PRDM16: variants seen among roughly 807,000 people sequenced by gnomAD.
PRDM16 encodes PR/SET domain 16.
PRDM16 carries 23 observed loss-of-function variants against 110.6 expected under a neutral mutation model. The ratio of observed to expected loss-of-function variants is 0.21; its 90% CI spans 0.15 to 0.29. PRDM16 has a LOEUF of 0.29. PRDM16 is among the 10% of genes least tolerant of loss of function. The pLI is 1.00. For synonymous variants in PRDM16, 799 were observed against 781.8 expected (o/e 1.02, Z -0.37); for missense variants, 1,615 against 1,794.3 (o/e 0.90, Z 1.81).
chr1:3,426,100 C>G lies in PRDM16; in HGVS notation c.3159C>G (p.Ser1053=). ...CGAACCACCTGGGGACCAGCGCGTCCTCTCCCACCTCAGAGTCGGACAACC... is the reference window on the plus strand; with the variant it reads ...CGAACCACCTGGGGACCAGCGCGTCGTCTCCCACCTCAGAGTCGGACAACC... ...VLTNHLGTSA[S]SPTSESDNHA... Residue 1053 remains serine (S), a synonymous_variant, in exon 14 of 17, where the codon TCC becomes TCG. Coordinates refer to ENST00000270722, the MANE Select transcript of PRDM16 (RefSeq NM_022114.4). The G allele has an allele frequency of 6.2e-7, 1 of 1,613,954 alleles. No homozygotes were observed. The highest frequency in any genetic ancestry group is 1.1e-5 in the South Asian group (1 of 91,086).
At chr1:3,112,097 C>T (rs188514510) in intron 1 of PRDM16, among the ~76,000 whole-genome samples, 12 of 152,300 alleles carry the variant, frequency 7.9e-5, no homozygotes, top group South Asian at 6.2e-4. Flanking sequence ...GCCCCATCCA[C>T]GCTCACTAAC....
chr1:3,164,485 T>C (rs909421667), intron 1 of PRDM16, among the ~76,000 whole-genome samples: 7 of 152,156 alleles, frequency 4.6e-5, no homozygotes, highest in African/African-American at 1.4e-4. Context: ...AGAGGACGGC[T>C]TCCAGTCTTC....
At chr1:3,182,879 G>A (rs888104541) in intron 1 of PRDM16, among the ~76,000 whole-genome samples, 1 of 152,164 alleles carries the variant, frequency 6.6e-6, no homozygotes, top group Non-Finnish European at 1.5e-5. Flanking sequence ...CCAACTCGGG[G>A]TCACTCAGCT....
In PRDM16 at chr1:3,081,263, C is replaced by G. The variant is rs186272745; in HGVS notation, c.37+11967C>G. Among the ~76,000 whole-genome samples the G allele has an allele frequency of 3.3e-4, 50 of 152,332 alleles. No individual in the cohort carries two copies. In the East Asian group the frequency reaches 9.3e-3, roughly 28 times the overall value. On this transcript the variant is annotated intron_variant, in intron 1 of 16. Transcript: ENST00000270722. This position sits in a 1 kb window ranked among gnomAD's most constrained non-coding sequence, Gnocchi z 4.6. ...TTCGAGGCCCCTCGCGGCTGTACCC[C>G]GAGTCCCCCGTGCTGGCACCTGATA...
In PRDM16 at chr1:3,285,656, C is replaced by G. The variant is rs913489958; in HGVS notation, c.438+41519C>G. On this transcript the variant is annotated intron_variant, in intron 3 of 16. Transcript: ENST00000270722. The stretch of plus-strand genomic sequence containing the variant: ...CTGAGCCCAGGGCGTGCTTGAGCCC[C>G]TCCGTCTCTGGTCCCTGGACGGCCA... 2.6e-5 allele frequency among the ~76,000 whole-genome samples: 4 copies of G among 152,216 alleles called. No homozygotes were observed. In the South Asian group the frequency reaches 8.3e-4, roughly 32 times the overall value.
At chr1:3,225,058 G>T (rs1639254727) in intron 2 of PRDM16, among the ~76,000 whole-genome samples, 1 of 152,138 alleles carries the variant, frequency 6.6e-6, no homozygotes, top group South Asian at 2.1e-4. Context: ...TTACGGTTCA[G>T]GTCTGCTTGG....
At chr1:3,259,163 C>T (rs937085903) in intron 3 of PRDM16, among the ~76,000 whole-genome samples, 5 of 152,212 alleles carry the variant, frequency 3.3e-5, no homozygotes, top group African/African-American at 1.2e-4. Context: ...CTTCTGCCCA[C>T]ACACAGCCCT....
At position 3,412,541 on chromosome 1, in the gene PRDM16, G is replaced by A. The variant is rs763116381; in HGVS notation, c.2344G>A (p.Val782Met). 12 of 1,612,358 alleles carry A rather than the reference G, an allele frequency of 7.4e-6. No homozygotes were observed. Among genetic ancestry groups the A allele is most frequent in the South Asian group, 4.4e-5 (4 of 91,094 alleles). ...TGATCTCACCACCAAGCCCAAAGAC[G>A]TGAAGCCCATCCTGCCCATGCCCAA... ...PFDLTTKPKD[V>M]KPILPMPKGP... Residue 782 changes from valine (V) to methionine (M), a missense_variant, in exon 9 of 17, where the codon GTG (valine) becomes ATG (methionine). Val to Met is a conservative substitution (Grantham distance 21, BLOSUM62 1). Coordinates refer to ENST00000270722, the MANE Select transcript of PRDM16 (RefSeq NM_022114.4).
chr1:3,104,110 A>G, intron 1 of PRDM16, among the ~76,000 whole-genome samples: 1 of 152,214 alleles, frequency 6.6e-6, no homozygotes, highest in Non-Finnish European at 1.5e-5. Flanking sequence ...CCACCACTGA[A>G]TGGCGGATTC....
At chr1:3,363,267 CT>C (rs2100562746) in intron 3 of PRDM16, among the ~76,000 whole-genome samples, 1 of 152,346 alleles carries the variant, frequency 6.6e-6, no homozygotes, top group South Asian at 2.1e-4. Flanking sequence ...CCATTAACTG[CT>C]GTCTGTCCAC....
At position 3,220,564 on chromosome 1, in the gene PRDM16, G is replaced by A. The variant is rs74477122; in HGVS notation, c.388-23523G>A. 1.4e-4 allele frequency among the ~76,000 whole-genome samples: 21 copies of A among 152,316 alleles called. No homozygotes were observed. The East Asian group carries it at 2.3e-3, about 17-fold the overall frequency. Reference sequence around the variant, plus strand: ...GGCCTCGAGTCTTGCCGTACCCCCAGGCTGCTGTGGTTCTCCTTGGCCTGA... The same window carrying A: ...GGCCTCGAGTCTTGCCGTACCCCCAAGCTGCTGTGGTTCTCCTTGGCCTGA... On this transcript the variant is annotated intron_variant, in intron 2 of 16. Coordinates refer to ENST00000270722, the MANE Select transcript of PRDM16 (RefSeq NM_022114.4).
At chr1:3,349,497 G>T (rs936351426) in intron 3 of PRDM16, among the ~76,000 whole-genome samples, 1 of 152,210 alleles carries the variant, frequency 6.6e-6, no homozygotes, top group East Asian at 1.9e-4. Flanking sequence ...GCCACTGGGT[G>T]CCCATGGGGC....
chr1:3,091,219 T>C (rs1264980054), intron 1 of PRDM16, among the ~76,000 whole-genome samples: 1 of 152,132 alleles, frequency 6.6e-6, no homozygotes, highest in Non-Finnish European at 1.5e-5. Context: ...CCATCAGACG[T>C]GACCTGGCCA....
chr1:3,275,210 A>G (rs1283120880), intron 3 of PRDM16, among the ~76,000 whole-genome samples: 1 of 152,224 alleles, frequency 6.6e-6, no homozygotes, highest in Non-Finnish European at 1.5e-5. Context: ...TGCCTGGTAA[A>G]TGAACCTGAG....
Position 3,359,825 on chromosome 1 carries a change from G to C in PRDM16, c.439-25327G>C, listed in dbSNP as rs575927711. On this transcript the variant is annotated intron_variant, in intron 3 of 16. Transcript: ENST00000270722. The surrounding 1 kb of genome is among the most constrained non-coding windows in gnomAD (Gnocchi z 4.3). The stretch of plus-strand genomic sequence containing the variant: ...CTGAAACCACGCCCGTGCTCAAAGT[G>C]ATGTTTACTTAGAAGGTGGCACCCG... Among the ~76,000 whole-genome samples, 3 of 145,612 alleles carry C rather than the reference G, an allele frequency of 2.1e-5. No individual in the cohort carries two copies. Among genetic ancestry groups the C allele is most frequent in the African/African-American group, 2.8e-5 (1 of 35,288 alleles).
intron 14 of PRDM16, among the ~76,000 whole-genome samples, chr1:3,428,374 G>A (rs530387418): frequency 2.6e-5 from 4 of 152,236 alleles, no homozygotes; most frequent in South Asian, 4.2e-4. Context: ...AGATGTGGCC[G>A]GGCCTCCCCC....
intron 1 of PRDM16, among the ~76,000 whole-genome samples, chr1:3,119,646 C>T (rs1251936347): frequency 2.0e-5 from 3 of 152,134 alleles, no homozygotes; most frequent in Non-Finnish European, 4.4e-5. Context: ...CTGGCCATGG[C>T]CCGATGAGGC....
rs2100575609 is a variant in PRDM16 at position 3,080,051 on chromosome 1, A to C, written c.37+10755A>C. Among the ~76,000 whole-genome samples the C allele has an allele frequency of 6.6e-6, 1 of 152,340 alleles. No homozygotes were observed. Among genetic ancestry groups the C allele is most frequent in the South Asian group, 2.1e-4 (1 of 4,828 alleles). ...GGGAGAAGAGACTGGAAAAGTTCAA[A>C]GGTGGAGAGGCGGCAGCGATCTGGA... On this transcript the variant is annotated intron_variant, in intron 1 of 16. Coordinates refer to ENST00000270722, the MANE Select transcript of PRDM16 (RefSeq NM_022114.4). The surrounding 1 kb of genome is among the most constrained non-coding windows in gnomAD (Gnocchi z 5.2).
intron 3 of PRDM16, among the ~76,000 whole-genome samples, chr1:3,364,898 C>T (rs72633308): frequency 3.2e-4 from 49 of 152,320 alleles, no homozygotes; most frequent in Non-Finnish European, 6.2e-4. Flanking sequence ...ACCTGGCGAG[C>T]GCTGCCTTCT....
Sources: allele counts gnomAD v4.1 joint callset (sites outside exome capture counted in the v4.1 genomes callset), GRCh38; gene constraint gnomAD v4.1.1; non-coding constraint Gnocchi (gnomAD v3.1); transcripts MANE v1.5; gene names NCBI Gene and HGNC (gene_info 2026-07-23, HGNC 2026-07-21).